Variants in TBC1D5 observed in about 807,000 individuals in gnomAD.
The protein encoded by TBC1D5 is TBC1 domain family member 5, also known as TBC1 domain family, member 5.
A neutral mutation model predicts 100.3 loss-of-function variants in TBC1D5; 75 were observed. The observed-to-expected ratio is 0.75, with a 90% confidence interval of 0.62 to 0.91. The LOEUF is 0.91. Ranked by LOEUF, TBC1D5 falls within the 40% of genes least tolerant of loss-of-function variation. The pLI, the probability that TBC1D5 is intolerant of heterozygous loss-of-function variation, is 0.00. For missense variants in TBC1D5, 910 were observed against 942.4 expected (o/e 0.97, Z 0.45); for synonymous variants, 323 against 325.6 (o/e 0.99, Z 0.09).
intron 3 of TBC1D5, among the ~76,000 whole-genome samples, chr3:17,441,016 A>C (rs1399782543): frequency 6.6e-6 from 1 of 152,072 alleles, no homozygotes; most frequent in Non-Finnish European, 1.5e-5. Context: ...GAAAAAGGAG[A>C]GTGGATGAAG....
At chr3:17,458,527 T>C (rs2095138364) in intron 3 of TBC1D5, among the ~76,000 whole-genome samples, 1 of 152,202 alleles carries the variant, frequency 6.6e-6, no homozygotes, top group Admixed American at 6.5e-5. Flanking sequence ...CTCATCAGTA[T>C]ACACTTGGCT....
chr3:17,498,392 G>C (rs1020772949), intron 3 of TBC1D5, among the ~76,000 whole-genome samples: 9 of 152,038 alleles, frequency 5.9e-5, no homozygotes, highest in African/African-American at 2.2e-4. Context: ...GCAAAGTTAA[G>C]AACAAAAAAT....
intron 2 of TBC1D5, among the ~76,000 whole-genome samples, chr3:17,545,260 C>T (rs942217555): frequency 6.6e-6 from 1 of 152,028 alleles, no homozygotes; most frequent in Non-Finnish European, 1.5e-5. Context: ...CAACTTATTC[C>T]CTTATAAAAT....
chr3:17,581,096 TAGTG>T (rs1267465618), intron 2 of TBC1D5, among the ~76,000 whole-genome samples: 4 of 152,136 alleles, frequency 2.6e-5, no homozygotes, highest in African/African-American at 4.8e-5. Flanking sequence ...GTTCTCGTGA[TAGTG>T]AGTAAGTCTC....
chr3:17,541,472 G>C (rs2096356722), intron 2 of TBC1D5, among the ~76,000 whole-genome samples: 1 of 151,782 alleles, frequency 6.6e-6, no homozygotes, highest in Admixed American at 6.6e-5. Flanking sequence ...AATTCCTTTT[G>C]TAAGGTCCTT....
At chr3:17,205,674 TTGGTAAGGAGTGGGC>T (rs2125873974) in intron 18 of TBC1D5, among the ~76,000 whole-genome samples, 1 of 152,166 alleles carries the variant, frequency 6.6e-6, no homozygotes, top group East Asian at 1.9e-4. Flanking sequence ...TTACCAGAGA[TTGGTAAGGAGTGGGC>T]ATGGAATTTA....
intron 4 of TBC1D5, among the ~76,000 whole-genome samples, chr3:17,409,616 A>C (rs10212255): frequency 6.6e-6 from 1 of 151,896 alleles, no homozygotes; most frequent in African/African-American, 2.4e-5. Context: ...AAGGAACTCA[A>C]AAGTGCTACT....
At chr3:17,402,185 C>G (rs1003866302) in intron 8 of TBC1D5, among the ~76,000 whole-genome samples, 2 of 152,082 alleles carry the variant, frequency 1.3e-5, no homozygotes, top group African/African-American at 4.8e-5. Context: ...GTACTACAAA[C>G]TTAGTAGTAG....
chr3:17,169,436 C>T (rs968749588), intron 19 of TBC1D5, among the ~76,000 whole-genome samples: 1 of 152,270 alleles, frequency 6.6e-6, no homozygotes, highest in Middle Eastern at 3.4e-3. Flanking sequence ...AACATGTTTC[C>T]AGCCTGACAA....
intron 15 of TBC1D5, among the ~76,000 whole-genome samples, chr3:17,264,785 C>T (rs957321624): frequency 2.0e-5 from 3 of 152,136 alleles, no homozygotes; most frequent in Admixed American, 2.0e-4. Flanking sequence ...GAACTAAGTT[C>T]CCAGCACAAT....
At chr3:17,638,772 A>G in intron 1 of TBC1D5, among the ~76,000 whole-genome samples, 1 of 152,150 alleles carries the variant, frequency 6.6e-6, no homozygotes, top group East Asian at 1.9e-4. Flanking sequence ...AATAAGTAAG[A>G]GCTACATGTA....
intron 3 of TBC1D5, among the ~76,000 whole-genome samples, chr3:17,484,751 T>C (rs1298136312): frequency 6.6e-6 from 1 of 152,020 alleles, no homozygotes; most frequent in Non-Finnish European, 1.5e-5. Context: ...CCCAAAATAG[T>C]AGGATTACAG....
At chr3:17,235,608 C>T (rs539503112) in intron 17 of TBC1D5, among the ~76,000 whole-genome samples, 10 of 152,300 alleles carry the variant, frequency 6.6e-5, no homozygotes, top group African/African-American at 2.4e-4. Context: ...AAGTATTTTT[C>T]ACTGTAGAGT....
intron 1 of TBC1D5, among the ~76,000 whole-genome samples, chr3:17,697,909 T>A (rs1426669733): frequency 2.0e-5 from 3 of 147,350 alleles, no homozygotes; most frequent in Non-Finnish European, 4.5e-5. Context: ...AAAACAGAGA[T>A]ATAAACCAAT....
intron 14 of TBC1D5, among the ~76,000 whole-genome samples, chr3:17,302,045 A>G (rs116618481): frequency 0.019 from 2,819 of 152,310 alleles, 86 homozygotes; most frequent in African/African-American, 0.064. Flanking sequence ...CAATTCTGAA[A>G]GCTAGAAGTC....
intron 18 of TBC1D5, among the ~76,000 whole-genome samples, chr3:17,185,481 G>C (rs1439440606): frequency 1.3e-5 from 2 of 152,144 alleles, no homozygotes; most frequent in African/African-American, 4.8e-5. Flanking sequence ...ATACAATCTT[G>C]CATTGCAAAT....
At chr3:17,636,863 C>A (rs1264558519) in intron 1 of TBC1D5, among the ~76,000 whole-genome samples, 1 of 151,814 alleles carries the variant, frequency 6.6e-6, no homozygotes, top group African/African-American at 2.4e-5. Context: ...ACCTTACCAA[C>A]AAACTCAAAA....
intron 9 of TBC1D5, among the ~76,000 whole-genome samples, chr3:17,380,057 G>C (rs894376493): frequency 1.5e-5 from 2 of 133,204 alleles, no homozygotes; most frequent in Admixed American, 7.1e-5. Context: ...GTGTGTGTGT[G>C]TGTGTGTGTG....
At chr3:17,533,074 GACACAC>G (rs9310518) in intron 2 of TBC1D5, among the ~76,000 whole-genome samples, 3,951 of 145,014 alleles carry the variant, frequency 0.027, 153 homozygotes, top group African/African-American at 0.091. Context: ...CACATACACA[GACACAC>G]ACACACACAC....
Sources: allele counts gnomAD v4.1 joint callset (sites outside exome capture counted in the v4.1 genomes callset), GRCh38; gene constraint gnomAD v4.1.1; transcripts MANE v1.5; gene names NCBI Gene and HGNC (gene_info 2026-07-23, HGNC 2026-07-21).